UBN2: variants seen among roughly 807,000 people sequenced by gnomAD.
UBN2 encodes the protein ubinuclein-2.
Under a neutral mutation model 120.2 loss-of-function variants are expected in UBN2, and 35 were observed. That is an observed-to-expected ratio of 0.29 (90% CI 0.22 to 0.39). The LOEUF is 0.39. Among genes scored for constraint, UBN2 ranks in the 10% least tolerant of loss-of-function variants. UBN2 has a pLI of 1.00. For missense variants in UBN2, 1,693 were observed against 1,663.2 expected, an observed-to-expected ratio of 1.02 and a Z score of -0.31; for synonymous variants, 661 against 648.7, an observed-to-expected ratio of 1.02 and a Z score of -0.29.
At chr7:139,275,981 A>G (rs1297842748) in intron 11 of UBN2, 116 bp from the exon 12 acceptor site, 1 of 778,910 alleles carries the variant, frequency 1.3e-6, no homozygotes, top group Non-Finnish European at 2.1e-6. Flanking sequence ...TATAACTTTT[A>G]CTTGGTAAAT....
intron 15 of UBN2, 151 bp from the exon 16 acceptor site, chr7:139,293,081 G>T: frequency 4.7e-6 from 3 of 643,298 alleles, no homozygotes; most frequent in Non-Finnish European, 8.1e-6. Flanking sequence ...AGCGTCTAAG[G>T]AACCTACCGT....
intron 8 of UBN2, 87 bp from the exon 9 acceptor site, chr7:139,272,234 TA>T: frequency 1.1e-6 from 1 of 911,092 alleles, no homozygotes; most frequent in Non-Finnish European, 1.7e-6. Flanking sequence ...AATTGGTATC[TA>T]AAACATAAAT....
chr7:139,291,383 CAT>C (rs1375736266), intron 15 of UBN2, among the ~76,000 whole-genome samples: 2 of 116,772 alleles, frequency 1.7e-5, no homozygotes, highest in African/African-American at 3.4e-5. Flanking sequence ...AAAAAAAAAA[CAT>C]GGAAAACAAA....
At position 139,231,820 on chromosome 7, in the gene UBN2, G is replaced by C; in HGVS notation, c.336G>C (p.Ser112=). The change falls in exon 1 of 18, where the codon TCG becomes TCC. Residue 112 remains serine (S), a synonymous_variant. Transcript: ENST00000473989. ...TGCAGCCGCCCCCGCCGCGGGAGTC[G>C]GCTTCCCGGGCTGAGCAGCCGCCGC... ...LPLQPPPPRE[S]ASRAEQPPRP... 1 of 1,467,338 alleles carries C rather than the reference G, an allele frequency of 6.8e-7. No individual in the cohort carries two copies. Among genetic ancestry groups the C allele is most frequent in the Non-Finnish European group, 9.0e-7 (1 of 1,111,444 alleles). The allele number at this position is 1,467,338 out of a possible 1,614,324, so 90.9% of individuals were successfully genotyped here.
intron 15 of UBN2, among the ~76,000 whole-genome samples, chr7:139,287,798 C>T (rs971982162): frequency 1.3e-5 from 2 of 151,690 alleles, no homozygotes; most frequent in South Asian, 4.1e-4. Flanking sequence ...TAAAGTCTTA[C>T]CAGCTATCTT....
chr7:139,275,054 G>A (rs910319699), intron 11 of UBN2, among the ~76,000 whole-genome samples: 4 of 152,028 alleles, frequency 2.6e-5, no homozygotes, highest in Non-Finnish European at 4.4e-5. Flanking sequence ...GAGGCTGGTG[G>A]ATCACCTGAG....
the UBN2 span, among the ~76,000 whole-genome samples, chr7:139,320,003 G>T: frequency 1.3e-5 from 2 of 151,476 alleles, no homozygotes; most frequent in Non-Finnish European, 2.9e-5. Context: ...GTGAACCCAG[G>T]AGGCAGAGCT....
downstream of UBN2, among the ~76,000 whole-genome samples, chr7:139,311,942 C>T (rs2551072): frequency 6.6e-6 from 1 of 152,170 alleles, no homozygotes. Context: ...TTCCAAGGGC[C>T]TGGCTCCGCA....
the UBN2 span, among the ~76,000 whole-genome samples, chr7:139,318,271 C>T: frequency 1.1e-4 from 16 of 152,152 alleles, no homozygotes; most frequent in African/African-American, 3.6e-4. Flanking sequence ...AAGTTCCAGC[C>T]CCTAACCTGT....
downstream of UBN2, among the ~76,000 whole-genome samples, chr7:139,312,379 C>A (rs148467649): frequency 6.6e-6 from 1 of 152,220 alleles, no homozygotes; most frequent in African/African-American, 2.4e-5. Context: ...TTGCTTCTTA[C>A]TGCTACACGG....
intron 15 of UBN2, among the ~76,000 whole-genome samples, chr7:139,287,379 AT>A (rs953117221): frequency 1.3e-5 from 2 of 152,178 alleles, no homozygotes; most frequent in African/African-American, 4.8e-5. Context: ...TTAAAAATTC[AT>A]TTTTATTTTC....
At chr7:139,291,379 A>G (rs1040763208) in intron 15 of UBN2, among the ~76,000 whole-genome samples, 4 of 151,396 alleles carry the variant, frequency 2.6e-5, no homozygotes, top group South Asian at 4.2e-4. Flanking sequence ...AAAAAAAAAA[A>G]AAACATGGAA....
rs1036873904 is a variant in UBN2, at chr7:139,278,229, T to G, written c.2025-1089T>G. The stretch of plus-strand genomic sequence containing the variant: ...TGGAGTCTTGCTCTGTCGCCCAGGC[T>G]GGAGTTCAGTGGCACGATCTCAACT... On this transcript the variant is annotated intron_variant, in intron 12 of 17. Transcript: ENST00000473989. Among the ~76,000 whole-genome samples, 7 of 150,122 alleles carry G rather than the reference T, an allele frequency of 4.7e-5. No homozygotes were observed. The East Asian group carries it at 1.4e-3, about 29-fold the overall frequency.
At chr7:139,238,400 GT>G (rs1012336207) in intron 2 of UBN2, among the ~76,000 whole-genome samples, 8 of 152,066 alleles carry the variant, frequency 5.3e-5, no homozygotes, top group Admixed American at 3.9e-4. Context: ...TTTTGGTGAG[GT>G]TTTTTAGCTT....
At position 139,294,019 on chromosome 7, in the gene UBN2, A is replaced by G. The variant is rs764146105; in HGVS notation, c.3994+38A>G. 7 of 1,578,786 alleles carry G rather than the reference A, an allele frequency of 4.4e-6. No individual in the cohort carries two copies. The South Asian group carries it at 5.6e-5, about 13-fold the overall frequency. On this transcript the variant is annotated intron_variant, in intron 17 of 17. Coordinates refer to ENST00000473989, the MANE Select transcript of UBN2 (RefSeq NM_173569.4). Reference sequence around the variant, plus strand: ...CCTCCTTCATCTCTTTCTTATTTGTATAGGCTTATAGATATGGATTATACT... The same window carrying G: ...CCTCCTTCATCTCTTTCTTATTTGTGTAGGCTTATAGATATGGATTATACT...
At chr7:139,325,644 A>C in the UBN2 span, among the ~76,000 whole-genome samples, 4 of 152,242 alleles carry the variant, frequency 2.6e-5, no homozygotes, top group Non-Finnish European at 4.4e-5. Flanking sequence ...GTATACTCTG[A>C]TGTATACTCA....
chr7:139,243,589 C>T (rs1796380521), intron 2 of UBN2, among the ~76,000 whole-genome samples: 1 of 152,130 alleles, frequency 6.6e-6, no homozygotes, highest in Admixed American at 6.5e-5. Flanking sequence ...CCAGCTTATA[C>T]AATTTACACA....
At chr7:139,273,787 A>C (rs961934057) in intron 10 of UBN2, 144 bp from the exon 11 acceptor site, 1 of 639,166 alleles carries the variant, frequency 1.6e-6, no homozygotes, top group Non-Finnish European at 2.5e-6. Context: ...ATTGTTTCAT[A>C]TTGCAGGTTT....
At chr7:139,272,569 C>T in intron 9 of UBN2, 129 bp downstream of exon 9, 1 of 691,388 alleles carries the variant, frequency 1.4e-6, no homozygotes, top group Non-Finnish European at 2.3e-6. Context: ...GTCTGTTGCC[C>T]AGGCTGGAGT....
Sources: allele counts gnomAD v4.1 joint callset (sites outside exome capture counted in the v4.1 genomes callset), GRCh38; gene constraint gnomAD v4.1.1; transcripts MANE v1.5; gene names NCBI Gene and HGNC (gene_info 2026-07-23, HGNC 2026-07-21).